MAD1L1: variants seen among roughly 807,000 people sequenced by gnomAD.
MAD1L1 encodes mitotic arrest deficient 1 like 1, also known as mitotic spindle assembly checkpoint protein MAD1.
Under a neutral mutation model 96.9 loss-of-function variants are expected in MAD1L1, and 95 were observed. That is an observed-to-expected ratio of 0.98 (90% confidence interval 0.83 to 1.16). The LOEUF is 1.16. MAD1L1 is among the 50% of genes most tolerant of loss of function. The pLI is 0.00. For synonymous variants in MAD1L1, 473 were observed against 396.6 expected (o/e 1.19, Z -2.29); for missense variants, 1,007 against 954.4 (o/e 1.06, Z -0.73).
intron 12 of MAD1L1, among the ~76,000 whole-genome samples, chr7:2,065,264 G>A (rs192212092): frequency 1.7e-3 from 260 of 152,236 alleles, no homozygotes; most frequent in Non-Finnish European, 3.2e-3. Context: ...GATGGATCTG[G>A]CCTAAACTGC....
chr7:2,149,617 A>T (rs539034933), intron 10 of MAD1L1, among the ~76,000 whole-genome samples: 1 of 152,314 alleles, frequency 6.6e-6, no homozygotes, highest in African/African-American at 2.4e-5. Context: ...CTCCTTCAGA[A>T]GACCCACATA....
At chr7:2,080,666 A>G (rs1785596285) in intron 11 of MAD1L1, among the ~76,000 whole-genome samples, 1 of 152,220 alleles carries the variant, frequency 6.6e-6, no homozygotes, top group Non-Finnish European at 1.5e-5. Flanking sequence ...ATCCCCAGGC[A>G]GCTGGAAACT....
intron 18 of MAD1L1, among the ~76,000 whole-genome samples, chr7:1,839,389 C>T (rs575076586): frequency 7.3e-6 from 1 of 136,970 alleles, no homozygotes; most frequent in South Asian, 2.4e-4. Context: ...GGCAGGAAAG[C>T]ATCCTGCCCA....
chr7:2,047,298 C>A (rs1783968149), intron 12 of MAD1L1, among the ~76,000 whole-genome samples: 1 of 152,178 alleles, frequency 6.6e-6, no homozygotes, highest in Admixed American at 6.5e-5. Context: ...CACGAGGAAA[C>A]CCTGGGGGCC....
chr7:2,081,991 G>C (rs1288772641), intron 11 of MAD1L1, among the ~76,000 whole-genome samples: 4 of 152,236 alleles, frequency 2.6e-5, no homozygotes, highest in African/African-American at 7.2e-5. Flanking sequence ...TGGAGATTAG[G>C]AGAGAGGTTG....
chr7:2,223,915 G>C (rs553523824), intron 4 of MAD1L1, among the ~76,000 whole-genome samples: 2 of 152,170 alleles, frequency 1.3e-5, no homozygotes, highest in Non-Finnish European at 2.9e-5. Context: ...CTGTTCCTGG[G>C]GTCCCATGCA....
At chr7:2,171,347 C>A (rs545453220) in intron 10 of MAD1L1, among the ~76,000 whole-genome samples, 9 of 152,386 alleles carry the variant, frequency 5.9e-5, no homozygotes, top group African/African-American at 1.9e-4. Flanking sequence ...ACTGTCAACA[C>A]TGTGGTGCTG....
At chr7:2,134,445 T>G (rs1788657940) in intron 11 of MAD1L1, among the ~76,000 whole-genome samples, 1 of 152,244 alleles carries the variant, frequency 6.6e-6, no homozygotes, top group Non-Finnish European at 1.5e-5. Flanking sequence ...CAGTTTTATT[T>G]CTTCCTTCCT....
intron 18 of MAD1L1, chr7:1,845,546 TCCGG>T (rs1562449829): frequency 0.021 from 1,608 of 77,622 alleles, 66 homozygotes; most frequent in African/African-American, 0.07. Flanking sequence ...CAGACACGCG[TCCGG>T]CTCTGGTTCA....
intron 11 of MAD1L1, among the ~76,000 whole-genome samples, chr7:2,092,590 A>G (rs1237025202): frequency 6.6e-6 from 1 of 152,012 alleles, no homozygotes; most frequent in Non-Finnish European, 1.5e-5. Flanking sequence ...TGCCCTCTGG[A>G]TATCAGTGAC....
intron 15 of MAD1L1, among the ~76,000 whole-genome samples, chr7:1,973,405 C>T (rs1011427038): frequency 6.6e-6 from 1 of 152,138 alleles, no homozygotes; most frequent in Non-Finnish European, 1.5e-5. Flanking sequence ...TGCACCTGCT[C>T]ACAAGGGCGA....
In MAD1L1 at chr7:1,833,459, C is replaced by G; in HGVS notation, c.1999-17231G>C. Among the ~76,000 whole-genome samples the G allele has an allele frequency of 1.3e-5, 2 of 152,312 alleles. 1 individual carries two copies. On this transcript the variant is annotated intron_variant, in intron 18 of 18. Coordinates refer to ENST00000265854, the MANE Select transcript of MAD1L1 (RefSeq NM_001013836.2). ...GTCAGAGATGTCAATATTCATCTATCAATAACTGATAGAACAGGAAGACAG... is the reference window on the plus strand; with the variant it reads ...GTCAGAGATGTCAATATTCATCTATGAATAACTGATAGAACAGGAAGACAG...
chr7:1,917,937 G>A (rs920648113), intron 17 of MAD1L1, among the ~76,000 whole-genome samples: 18 of 152,170 alleles, frequency 1.2e-4, no homozygotes, highest in African/African-American at 2.7e-4. Flanking sequence ...TGACTGTGTT[G>A]CATCAGGCCC....
At chr7:1,832,633 C>CGGGGGG (rs1277645069) in intron 18 of MAD1L1, among the ~76,000 whole-genome samples, 1 of 2,014 alleles carries the variant, frequency 5.0e-4, no homozygotes, top group Non-Finnish European at 8.4e-4. Context: ...TTTTTTTTGG[C>CGGGGGG]GGGGGGGGGG....
chr7:2,073,391 G>A (rs1323762726), intron 11 of MAD1L1, among the ~76,000 whole-genome samples: 1 of 152,130 alleles, frequency 6.6e-6, no homozygotes, highest in Non-Finnish European at 1.5e-5. Flanking sequence ...CCGACCCCTC[G>A]GACCCTTGCT....
chr7:2,101,899 AAGG>A (rs1786797503), intron 11 of MAD1L1, among the ~76,000 whole-genome samples: 1 of 152,112 alleles, frequency 6.6e-6, no homozygotes, highest in South Asian at 2.1e-4. Context: ...CAGGCAGGAG[AAGG>A]AGGAGTGCAG....
intron 10 of MAD1L1, among the ~76,000 whole-genome samples, chr7:2,162,256 T>G (rs889765713): frequency 1.3e-5 from 2 of 152,128 alleles, no homozygotes; most frequent in African/African-American, 2.4e-5. Context: ...AAAATTCTTC[T>G]GCCTTGGGAT....
At chr7:2,050,679 G>A (rs1022224273) in intron 12 of MAD1L1, among the ~76,000 whole-genome samples, 4 of 152,100 alleles carry the variant, frequency 2.6e-5, no homozygotes, top group African/African-American at 4.8e-5. Context: ...TGGGTGTGCC[G>A]TGACACCAAG....
chr7:2,200,681 T>A (rs1212214959), intron 10 of MAD1L1: 1 of 152,248 alleles, frequency 6.6e-6, no homozygotes, highest in East Asian at 1.9e-4. Flanking sequence ...ACAGCACTTC[T>A]GTGAACGCAA....
Sources: gnomAD v4.1 joint callset for allele counts (sites outside exome capture counted in the v4.1 genomes callset) on GRCh38, gnomAD v4.1.1 for gene constraint, MANE v1.5 for transcripts, NCBI Gene and HGNC (gene_info 2026-07-23, HGNC 2026-07-21) for gene names.